The following FAM76A variants were observed in gnomAD, a reference collection of about 807,000 sequenced individuals.
FAM76A encodes the protein family with sequence similarity 76 member A.
In FAM76A, 32 loss-of-function variants were observed where a neutral mutation model predicts 46.2. That is an observed-to-expected ratio of 0.69 (90% CI 0.52 to 0.93). The LOEUF is 0.93. Among genes scored for constraint, FAM76A ranks in the 40% least tolerant of loss-of-function variants. The pLI, the probability that FAM76A is intolerant of heterozygous loss-of-function variation, is 0.00. For synonymous variants in FAM76A, 137 were observed against 127.0 expected (o/e 1.08, Z -0.53); for missense variants, 274 against 361.5 (o/e 0.76, Z 1.96).
At position 27,726,037 on chromosome 1, in the gene FAM76A, G is replaced by GGCGGGCCGGGCCGGCGGGTCGGTGAGC; in HGVS notation, c.-39_-13dup. ...TGTGCCTCAGACTGTCAGATAAATC[G>GGCGGGCCGGGCCGGCGGGTCGGTGAGC]GCGGGCCGGGCCGGCGGGTCGGTGA... On this transcript the variant is annotated 5_prime_UTR_variant, in exon 1 of 9. Transcript: ENST00000373954. The GGCGGGCCGGGCCGGCGGGTCGGTGAGC allele has an allele frequency of 1.6e-6, 2 of 1,251,614 alleles. No individual in the cohort carries two copies. The allele number at this position is 1,251,614 out of a possible 1,614,324, so 77.5% of individuals were successfully genotyped here.
At position 27,759,775 on chromosome 1, in the gene FAM76A, T is replaced by TTG. The variant is rs1553179882; in HGVS notation, c.837+149_837+150insGT. Reference sequence around the variant, plus strand: ...TTAATCCCCCTTTTAGGTTTTTTTTTTTTGTTTTTTTTTTGAGACAGGTTC... The same window carrying TTG: ...TTAATCCCCCTTTTAGGTTTTTTTTTTGTTTGTTTTTTTTTTGAGACAGGTTC... On this transcript the variant is annotated intron_variant, in intron 8 of 8. Coordinates refer to ENST00000373954, the MANE Select transcript of FAM76A (RefSeq NM_152660.3). 6.5e-6 allele frequency: 4 copies of TTG among 619,960 alleles called. No individual in the cohort carries two copies. The Middle Eastern group carries it at 1.3e-3, about 203-fold the overall frequency. The allele number at this position is 619,960 out of a possible 1,614,324, so 38.4% of individuals were successfully genotyped here. A position where few individuals can be genotyped will look rare whatever the true frequency, so the allele number is the denominator to read the frequency against.
chr1:27,741,051 G>A (rs938241447), intron 4 of FAM76A, among the ~76,000 whole-genome samples: 1 of 151,466 alleles, frequency 6.6e-6, no homozygotes, highest in Non-Finnish European at 1.5e-5. Flanking sequence ...AGAATTGCTT[G>A]AACCTGGGAG....
chr1:27,735,591 A>G (rs2088030784), intron 4 of FAM76A, among the ~76,000 whole-genome samples: 1 of 152,160 alleles, frequency 6.6e-6, no homozygotes, highest in Admixed American at 6.6e-5. Flanking sequence ...CTGCCTGCCA[A>G]CCAGGACATC....
Position 27,750,149 on chromosome 1 carries a change from C to A in FAM76A, c.599+995C>A, listed in dbSNP as rs138604724. 4.1e-3 allele frequency among the ~76,000 whole-genome samples: 623 copies of A among 152,280 alleles called. 4 individuals are homozygous for A. The highest frequency in any genetic ancestry group is 0.014 in the African/African-American group (579 of 41,548). ...CTGAAAACTCCTCCCATTCACAGTT[C>A]TCCTTCCCAGCCAGTAGTGGATATA... On this transcript the variant is annotated intron_variant, in intron 6 of 8. Transcript: ENST00000373954.
intron 1 of FAM76A, among the ~76,000 whole-genome samples, chr1:27,726,768 G>C (rs755260332): frequency 5.9e-5 from 9 of 152,102 alleles, no homozygotes; most frequent in Non-Finnish European, 8.8e-5. Context: ...GGTGGTCTTC[G>C]GTCTTCCCTG....
intron 7 of FAM76A, 81 bp from the exon 8 acceptor site, chr1:27,759,445 G>T: frequency 1.2e-6 from 1 of 827,598 alleles, no homozygotes; most frequent in Non-Finnish European, 1.9e-6. Flanking sequence ...CATTAATTTG[G>T]GTGACCATTT....
chr1:27,757,932 G>T (rs919944114), intron 7 of FAM76A, among the ~76,000 whole-genome samples: 1 of 151,248 alleles, frequency 6.6e-6, no homozygotes, highest in East Asian at 2.0e-4. Flanking sequence ...AGCCAAGATC[G>T]TGCCACTGCA....
intron 8 of FAM76A, 153 bp downstream of exon 8, chr1:27,759,780 T>TTTTTTGTTTTTTG (rs2088475092): frequency 4.0e-6 from 2 of 499,620 alleles, no homozygotes; most frequent in South Asian, 4.8e-5. Context: ...TTTTTTTTTG[T>TTTTTTGTTTTTTG]TTTTTTTTTG....
chr1:27,745,667 G>A (rs150057703), intron 5 of FAM76A, among the ~76,000 whole-genome samples: 80 of 152,304 alleles, frequency 5.3e-4, no homozygotes, highest in African/African-American at 1.7e-3. Flanking sequence ...CAAGAATGCA[G>A]ACATGAGGGT....
Position 27,744,586 on chromosome 1 carries a change from C to T in FAM76A, c.355-68C>T. The T allele has an allele frequency of 3.2e-6, 5 of 1,556,012 alleles. No individual in the cohort carries two copies. In the Admixed American group the frequency reaches 8.6e-5, roughly 27 times the overall value. ...GGGACTGAACCCAAAGATTCTAGCTCCCAATACCACGTTTGCAGCCACTGC... is the reference window on the plus strand; with the variant it reads ...GGGACTGAACCCAAAGATTCTAGCTTCCAATACCACGTTTGCAGCCACTGC... On this transcript the variant is annotated intron_variant, in intron 4 of 8. Transcript: ENST00000373954.
At chr1:27,739,355 ACTT>A (rs2088111091) in intron 4 of FAM76A, 3 of 526,252 alleles carry the variant, frequency 5.7e-6, no homozygotes, top group Non-Finnish European at 1.2e-5. Context: ...TGCCTACACT[ACTT>A]AAATATGGAA....
chr1:27,741,744 G>A (rs1378110771), intron 4 of FAM76A, among the ~76,000 whole-genome samples: 3 of 151,858 alleles, frequency 2.0e-5, no homozygotes, highest in African/African-American at 7.3e-5. Flanking sequence ...TTAGCCAGGC[G>A]TGGTGGTGGG....
chr1:27,726,734 G>A (rs1254155219), intron 1 of FAM76A, among the ~76,000 whole-genome samples: 2 of 152,132 alleles, frequency 1.3e-5, no homozygotes, highest in Non-Finnish European at 2.9e-5. Context: ...ACAGATCCGA[G>A]GGATCACTTC....
intron 7 of FAM76A, 98 bp downstream of exon 7, chr1:27,755,428 G>A (rs1033696972): frequency 6.1e-6 from 9 of 1,470,848 alleles, no homozygotes; most frequent in Middle Eastern, 2.1e-4. Context: ...TGTTTGTTGA[G>A]AGCCTATGTC....
chr1:27,731,987 A>G (rs559804809), intron 2 of FAM76A, among the ~76,000 whole-genome samples: 1 of 152,026 alleles, frequency 6.6e-6, no homozygotes, highest in South Asian at 2.1e-4. Flanking sequence ...ACGCCTGGCT[A>G]ATTTTTGTAT....
chr1:27,751,713 GCCAGT>G (rs2088336394), intron 6 of FAM76A, among the ~76,000 whole-genome samples: 1 of 151,886 alleles, frequency 6.6e-6, no homozygotes, highest in Non-Finnish European at 1.5e-5. Flanking sequence ...TGTTACTCAG[GCCAGT>G]CCTGAACTCC....
chr1:27,759,977 T>TG, intron 8 of FAM76A: 1 of 458,816 alleles, frequency 2.2e-6, no homozygotes, highest in Non-Finnish European at 4.4e-6. Flanking sequence ...CTCGCTATAT[T>TG]GCCTGGGCTA....
Position 27,748,120 on chromosome 1 carries a change from GT to G in FAM76A, c.513-925del, listed in dbSNP as rs775627660. Among the ~76,000 whole-genome samples the G allele has an allele frequency of 5.1e-3, 555 of 108,358 alleles. 1 individual carries two copies. Among genetic ancestry groups the G allele is most frequent in the Non-Finnish European group, 7.1e-3 (402 of 56,404 alleles). 71.1% of individuals were successfully genotyped at this position (108,358 alleles called of 152,430 possible). ...ATGTGAGACAGTAAATGTAAAAGAAGTTTTTTTTTTTTTTTTTTTTTTTGAG... is the reference window on the plus strand; with the variant it reads ...ATGTGAGACAGTAAATGTAAAAGAAGTTTTTTTTTTTTTTTTTTTTTTGAG... On this transcript the variant is annotated intron_variant, in intron 5 of 8. Coordinates refer to ENST00000373954, the MANE Select transcript of FAM76A (RefSeq NM_152660.3).
intron 4 of FAM76A, among the ~76,000 whole-genome samples, chr1:27,741,243 G>A (rs2088148023): frequency 6.9e-6 from 1 of 144,118 alleles, no homozygotes; most frequent in Non-Finnish European, 1.5e-5. Flanking sequence ...TGTCATCCAG[G>A]CTGGAGTACA....
Sources: gnomAD v4.1 joint callset for allele counts (sites outside exome capture counted in the v4.1 genomes callset) on GRCh38, gnomAD v4.1.1 for gene constraint, MANE v1.5 for transcripts, NCBI Gene and HGNC (gene_info 2026-07-23, HGNC 2026-07-21) for gene names.